ZSWIM5: variants seen among roughly 807,000 people sequenced by gnomAD.
The protein encoded by ZSWIM5 is zinc finger SWIM-type containing 5, also known as zinc finger SWIM domain-containing protein 5.
In ZSWIM5, 55 loss-of-function variants were observed where a neutral mutation model predicts 119.6. That is an observed-to-expected ratio of 0.46 (90% CI 0.37 to 0.58). The LOEUF is 0.58. ZSWIM5 is among the 20% of genes least tolerant of loss of function. The pLI is 0.00. For synonymous variants in ZSWIM5, 537 were observed against 606.9 expected, an observed-to-expected ratio of 0.88 and a Z score of 1.69; for missense variants, 1,193 against 1,512.8, an observed-to-expected ratio of 0.79 and a Z score of 3.51.
intron 2 of ZSWIM5, among the ~76,000 whole-genome samples, chr1:45,087,602 G>A (rs1157801320): frequency 6.6e-6 from 1 of 152,146 alleles, no homozygotes; most frequent in Non-Finnish European, 1.5e-5. Flanking sequence ...GGTCTGCATC[G>A]ACAAAGTCCA....
chr1:45,050,803 A>G (rs2148997093), intron 5 of ZSWIM5, among the ~76,000 whole-genome samples: 1 of 152,348 alleles, frequency 6.6e-6, no homozygotes, highest in South Asian at 2.1e-4. Flanking sequence ...CCAGAAGAGT[A>G]GACCAGGAGT....
intron 5 of ZSWIM5, among the ~76,000 whole-genome samples, chr1:45,048,287 G>A (rs1200055801): frequency 6.6e-6 from 1 of 151,902 alleles, no homozygotes; most frequent in African/African-American, 2.4e-5. Flanking sequence ...GGTTCTGCCA[G>A]CCTTGGTCTC....
chr1:45,063,457 G>A (rs184787527), intron 2 of ZSWIM5, among the ~76,000 whole-genome samples: 197 of 152,130 alleles, frequency 1.3e-3, no homozygotes, highest in Non-Finnish European at 2.4e-3. Context: ...ACTAAATTAC[G>A]TCCAAATGCC....
At chr1:45,096,565 C>G (rs1307537506) in intron 1 of ZSWIM5, among the ~76,000 whole-genome samples, 1 of 152,008 alleles carries the variant, frequency 6.6e-6, no homozygotes, top group Non-Finnish European at 1.5e-5. Flanking sequence ...CACACACACA[C>G]ACACACACAC....
chr1:45,082,751 T>C (rs2149009471), intron 2 of ZSWIM5, among the ~76,000 whole-genome samples: 1 of 152,342 alleles, frequency 6.6e-6, no homozygotes, highest in East Asian at 1.9e-4. Context: ...AAGTTGATTG[T>C]GGCAGCCTAA....
intron 2 of ZSWIM5, among the ~76,000 whole-genome samples, chr1:45,086,574 A>C (rs1381955861): frequency 1.3e-5 from 2 of 152,140 alleles, no homozygotes; most frequent in Non-Finnish European, 2.9e-5. Flanking sequence ...ATAGGTGGGA[A>C]TTGAACAATG....
rs71040536 is a variant in ZSWIM5 at position 45,031,839 on chromosome 1, C to CAA, written c.2449+2471_2449+2472dup. Among the ~76,000 whole-genome samples, 314 of 98,712 alleles carry CAA rather than the reference C, an allele frequency of 3.2e-3. 5 individuals carry two copies. The highest frequency in any genetic ancestry group is 4.6e-3 in the Non-Finnish European group (245 of 53,668). 64.8% of individuals were successfully genotyped at this position (98,712 alleles called of 152,430 possible). On this transcript the variant is annotated intron_variant, in intron 11 of 13. Coordinates refer to ENST00000359600, the MANE Select transcript of ZSWIM5 (RefSeq NM_020883.2). ...TGGGCAACGGAGTAAGACTCCATCT[C>CAA]AAAAAAAAAAAAAAAAAAAAGTGAA...
At chr1:45,074,547 T>C (rs1424288096) in intron 2 of ZSWIM5, among the ~76,000 whole-genome samples, 1 of 151,970 alleles carries the variant, frequency 6.6e-6, no homozygotes, top group East Asian at 1.9e-4. Context: ...ATCCTTTGAA[T>C]TTCTGTGGTA....
intron 5 of ZSWIM5, among the ~76,000 whole-genome samples, chr1:45,050,462 A>T (rs1207178892): frequency 3.9e-5 from 6 of 152,206 alleles, no homozygotes; most frequent in Non-Finnish European, 7.3e-5. Flanking sequence ...TGACAACATC[A>T]AATAGACTGA....
chr1:45,151,730 A>C (rs1379606487), intron 1 of ZSWIM5, among the ~76,000 whole-genome samples: 1 of 152,188 alleles, frequency 6.6e-6, no homozygotes, highest in Non-Finnish European at 1.5e-5. Flanking sequence ...GAATGTGCCA[A>C]GACTCGAAAA....
At chr1:45,171,134 T>A (rs979070214) in intron 1 of ZSWIM5, among the ~76,000 whole-genome samples, 6 of 152,128 alleles carry the variant, frequency 3.9e-5, no homozygotes, top group African/African-American at 1.4e-4. Flanking sequence ...CATGAGGATT[T>A]ATTCAAATAA....
chr1:45,049,545 G>C (rs543112244), intron 5 of ZSWIM5, among the ~76,000 whole-genome samples: 2 of 152,110 alleles, frequency 1.3e-5, no homozygotes, highest in South Asian at 4.2e-4. Flanking sequence ...CAGGCTGGTC[G>C]CGGTGGCTCA....
intron 1 of ZSWIM5, among the ~76,000 whole-genome samples, chr1:45,159,081 A>G (rs920385750): frequency 6.6e-6 from 1 of 152,164 alleles, no homozygotes; most frequent in Non-Finnish European, 1.5e-5. Flanking sequence ...TTCACCTCCT[A>G]TAGAGATTCA....
At chr1:45,151,068 A>G (rs1419770717) in intron 1 of ZSWIM5, among the ~76,000 whole-genome samples, 2 of 152,144 alleles carry the variant, frequency 1.3e-5, no homozygotes, top group Non-Finnish European at 2.9e-5. Flanking sequence ...CAGAGCTTCC[A>G]GGTCATCCCT....
At chr1:45,204,637 T>C (rs906599556) in intron 1 of ZSWIM5, among the ~76,000 whole-genome samples, 2 of 152,132 alleles carry the variant, frequency 1.3e-5, no homozygotes, top group East Asian at 3.9e-4. Context: ...TTTCTCCAGG[T>C]TTTACCTGGA....
At chr1:45,103,010 C>T (rs773373414) in intron 1 of ZSWIM5, among the ~76,000 whole-genome samples, 16 of 151,970 alleles carry the variant, frequency 1.1e-4, no homozygotes, top group East Asian at 1.9e-4. Context: ...CACAGGCATG[C>T]GCCACCAATA....
chr1:45,204,731 A>C (rs192115469), intron 1 of ZSWIM5, among the ~76,000 whole-genome samples: 110 of 152,286 alleles, frequency 7.2e-4, no homozygotes, highest in African/African-American at 2.4e-3. Context: ...AAAAATCAGT[A>C]TTTTCTTCAA....
Position 45,104,451 on chromosome 1 carries a change from C to A in ZSWIM5, c.596-16214G>T, listed in dbSNP as rs185886866. Among the ~76,000 whole-genome samples, 125 of 152,288 alleles carry A rather than the reference C, an allele frequency of 8.2e-4. 2 individuals are homozygous for A. The highest frequency in any genetic ancestry group is 1.3e-3 in the Non-Finnish European group (86 of 68,028). ...TGCAAATAGACATAATACTACTTAG[C>A]TGCCTATCAGACTCATGTGAAAGTA... is the stretch of plus-strand genomic sequence containing the variant. On this transcript the variant is annotated intron_variant, in intron 1 of 13. Coordinates refer to ENST00000359600, the MANE Select transcript of ZSWIM5 (RefSeq NM_020883.2).
chr1:45,030,982 A>T (rs1332850090), intron 11 of ZSWIM5, among the ~76,000 whole-genome samples: 2 of 150,584 alleles, frequency 1.3e-5, no homozygotes, highest in Admixed American at 1.3e-4. Context: ...ATTTTTTAGT[A>T]GAGACAGGGT....
Sources: gnomAD v4.1 joint callset for allele counts (sites outside exome capture counted in the v4.1 genomes callset) on GRCh38, gnomAD v4.1.1 for gene constraint, MANE v1.5 for transcripts, NCBI Gene and HGNC (gene_info 2026-07-23, HGNC 2026-07-21) for gene names.